LMOD1: variants seen among roughly 807,000 people sequenced by gnomAD.
The protein encoded by LMOD1 is leiomodin 1.
LMOD1 carries 8 observed loss-of-function variants against 36.5 expected under a neutral mutation model. That is an observed-to-expected ratio of 0.22 (90% CI 0.13 to 0.40). LMOD1 has a LOEUF of 0.40. Among genes scored for constraint, LMOD1 ranks in the 10% least tolerant of loss-of-function variants. The pLI is 1.00. For missense variants in LMOD1, 630 were observed against 751.1 expected, an observed-to-expected ratio of 0.84 and a Z score of 1.88; for synonymous variants, 284 against 288.7, an observed-to-expected ratio of 0.98 and a Z score of 0.17.
intron 1 of LMOD1, among the ~76,000 whole-genome samples, chr1:201,920,991 T>A (rs1681694815): frequency 6.6e-6 from 1 of 152,130 alleles, no homozygotes; most frequent in Admixed American, 6.6e-5. Flanking sequence ...TGGACATTTC[T>A]AGGGTACAGT....
chr1:201,940,513 G>A (rs1007857902), intron 1 of LMOD1, among the ~76,000 whole-genome samples: 3 of 151,666 alleles, frequency 2.0e-5, no homozygotes, highest in Non-Finnish European at 4.4e-5. Flanking sequence ...TACTGTCCCA[G>A]TAAGGAGAAG....
In LMOD1 at chr1:201,939,426, TG is replaced by T. The variant is rs537157302; in HGVS notation, c.261+6653del. Among the ~76,000 whole-genome samples, 6 of 152,278 alleles carry T rather than the reference TG, an allele frequency of 3.9e-5. No individual in the cohort carries two copies. The South Asian group carries it at 1.2e-3, about 32-fold the overall frequency. ...AATCAAGTTAATGTTCTTTCTTCCT[TG>T]GGTAACTTATTCCAAGTCACTGGAT... is the stretch of plus-strand genomic sequence containing the variant. On this transcript the variant is annotated intron_variant, in intron 1 of 2. Transcript: ENST00000367288.
In LMOD1 at chr1:201,901,564, G is replaced by GTA. The variant is rs1275880446; in HGVS notation, c.262-815_262-814dup. ...TATATATATATATACATATATATAT[G>GTA]TATATATATATATATATATACATAT... On this transcript the variant is annotated intron_variant, in intron 1 of 2. Coordinates refer to ENST00000367288, the MANE Select transcript of LMOD1 (RefSeq NM_012134.3). Among the ~76,000 whole-genome samples, 53 of 39,030 alleles carry GTA rather than the reference G, an allele frequency of 1.4e-3. 1 individual carries two copies. In the South Asian group the frequency reaches 0.014, roughly 10 times the overall value. The allele number at this position is 39,030 out of a possible 152,430, so 25.6% of individuals were successfully genotyped here.
chr1:201,922,235 C>G (rs558202261), intron 1 of LMOD1, among the ~76,000 whole-genome samples: 2 of 152,232 alleles, frequency 1.3e-5, no homozygotes, highest in African/African-American at 4.8e-5. Flanking sequence ...AATTGCATGC[C>G]TCAATACAGA....
rs71141426 is a variant in LMOD1 at position 201,933,595 on chromosome 1, T to TTATATATATATATATATA, written c.261+12467_261+12484dup. Among the ~76,000 whole-genome samples, 598 of 62,784 alleles carry TTATATATATATATATATA rather than the reference T, an allele frequency of 9.5e-3. 15 individuals are homozygous for TTATATATATATATATATA. Among genetic ancestry groups the TTATATATATATATATATA allele is most frequent in the South Asian group, 0.016 (32 of 2,022 alleles). The allele number at this position is 62,784 out of a possible 152,430, so 41.2% of individuals were successfully genotyped here. A position where few individuals can be genotyped will look rare whatever the true frequency, so the allele number is the denominator to read the frequency against. Reference sequence around the variant, plus strand: ...TTATATATGTACACATATACATACATTATATATATATATATATATATATAT... The same window carrying TTATATATATATATATATA: ...TTATATATGTACACATATACATACATTATATATATATATATATATATATATATATATATATATATATAT... On this transcript the variant is annotated intron_variant, in intron 1 of 2. Transcript: ENST00000367288.
At position 201,899,521 on chromosome 1, in the gene LMOD1, C is replaced by A. The variant is rs761546227; in HGVS notation, c.1492G>T (p.Val498Leu). Residue 498 changes from valine to leucine, a missense_variant, in exon 2 of 3, where the codon GTA (valine) becomes TTA (leucine). By Grantham distance (32) the Val-to-Leu change is conservative (BLOSUM62 1). Transcript: ENST00000367288. The surrounding 1 kb of genome is among the most constrained non-coding windows in gnomAD (Gnocchi z 6.3). ...AKGEKKDLLE[V>L]PKAGAVAKGS... Reference sequence around the variant, plus strand: ...TTAGCCACGGCCCCGGCCTTGGGTACCTCCAGCAGATCCTTCTTCTCTCCC... The same window carrying A: ...TTAGCCACGGCCCCGGCCTTGGGTAACTCCAGCAGATCCTTCTTCTCTCCC... The A allele has an allele frequency of 1.1e-5, 18 of 1,613,844 alleles. No homozygotes were observed. The highest frequency in any genetic ancestry group is 9.9e-5 in the South Asian group (9 of 91,066).
rs1418498186 is a variant in LMOD1, at chr1:201,941,785, C to T, written c.261+4295G>A. Reference sequence around the variant, plus strand: ...AGTAGGTTGCTTCGGGTTTGCTTCTCGAGTTTACCTCTAGGGAGAGCTTTC... The same window carrying T: ...AGTAGGTTGCTTCGGGTTTGCTTCTTGAGTTTACCTCTAGGGAGAGCTTTC... On this transcript the variant is annotated intron_variant, in intron 1 of 2. Transcript: ENST00000367288. 1.6e-4 allele frequency among the ~76,000 whole-genome samples: 24 copies of T among 152,304 alleles called. 1 individual carries two copies. Among genetic ancestry groups the T allele is most frequent in the Admixed American group, 1.4e-3 (21 of 15,292 alleles).
chr1:201,925,634 C>T (rs1273035088), intron 1 of LMOD1, among the ~76,000 whole-genome samples: 1 of 150,386 alleles, frequency 6.6e-6, no homozygotes, highest in East Asian at 1.9e-4. Flanking sequence ...TGACATCCAC[C>T]CAAGACCTGA....
intron 1 of LMOD1, among the ~76,000 whole-genome samples, chr1:201,921,839 A>G (rs1571584288): frequency 1.3e-5 from 2 of 152,020 alleles, no homozygotes; most frequent in African/African-American, 2.4e-5. Context: ...GGGCGCCTGT[A>G]GTCCCAGCTG....
At chr1:201,904,163 C>T (rs376564874) in intron 1 of LMOD1, among the ~76,000 whole-genome samples, 61 of 152,170 alleles carry the variant, frequency 4.0e-4, no homozygotes, top group African/African-American at 1.4e-3. Context: ...TTCCCTCTCA[C>T]CCCTAGCCAG....
At chr1:201,914,294 A>C (rs981647215) in intron 1 of LMOD1, among the ~76,000 whole-genome samples, 7 of 151,990 alleles carry the variant, frequency 4.6e-5, no homozygotes, top group Non-Finnish European at 1.0e-4. Flanking sequence ...GAACCCTAAC[A>C]CTCACAAGTG....
intron 1 of LMOD1, among the ~76,000 whole-genome samples, chr1:201,916,878 G>A (rs1031968338): frequency 1.3e-5 from 2 of 152,182 alleles, no homozygotes; most frequent in South Asian, 4.1e-4. Flanking sequence ...AAACAGAAAC[G>A]CCATGATTCA....
chr1:201,945,985 C>T, intron 1 of LMOD1, 95 bp downstream of exon 1: 4 of 1,265,276 alleles, frequency 3.2e-6, no homozygotes, highest in East Asian at 2.3e-5. Context: ...CCAACAAGAA[C>T]GTTTCTTCTA....
chr1:201,916,706 A>G (rs575017395), intron 1 of LMOD1, among the ~76,000 whole-genome samples: 1 of 152,150 alleles, frequency 6.6e-6, no homozygotes, highest in Admixed American at 6.5e-5. Flanking sequence ...ATTCCCCGTC[A>G]CTGTGCTCAG....
At position 201,899,204 on chromosome 1, in the gene LMOD1, C is replaced by T. The variant is rs1180525380; in HGVS notation, c.1776+33G>A. On this transcript the variant is annotated intron_variant, in intron 2 of 2. Coordinates refer to ENST00000367288, the MANE Select transcript of LMOD1 (RefSeq NM_012134.3). The surrounding 1 kb of genome is among the most constrained non-coding windows in gnomAD (Gnocchi z 6.3). ...CCTCTCCTCCAGGCCCTACCCAGCC[C>T]CGCCCTGTTGGCTCATGCCCACAAC... 1.3e-6 allele frequency: 2 copies of T among 1,546,560 alleles called. No individual in the cohort carries two copies. The highest frequency in any genetic ancestry group is 1.7e-6 in the Non-Finnish European group (2 of 1,143,202).
Position 201,946,143 on chromosome 1 carries a change from C to G in LMOD1, c.198G>C (p.Glu66Asp). 1 of 1,613,998 alleles carries G rather than the reference C, an allele frequency of 6.2e-7. No individual in the cohort carries two copies. The highest frequency in any genetic ancestry group is 8.5e-7 in the Non-Finnish European group (1 of 1,179,896). Residue 66 changes from glutamate to aspartate, a missense_variant, in exon 1 of 3, where the codon GAG (glutamate) becomes GAC (aspartate). By Grantham distance (45) the Glu-to-Asp change is conservative (BLOSUM62 2). Around this residue, in one of 3 missense-constraint regions of LMOD1, gnomAD observed 405 missense variants for 400.6 expected, o/e 1.01. Transcript: ENST00000367288. ...CCTTTTCACAGAAGTTGAGCATGGC[C>G]TCCCGGTTGTACACACCCGTGGACT... ...EKQSTGVYNR[E>D]AMLNFCEKET... is the part of the protein sequence containing the mutation.
Position 201,900,634 on chromosome 1 carries a change from T to C in LMOD1, c.379A>G (p.Arg127Gly). 1 of 1,613,854 alleles carries C rather than the reference T, an allele frequency of 6.2e-7. No homozygotes were observed. Among genetic ancestry groups the C allele is most frequent in the Non-Finnish European group, 8.5e-7 (1 of 1,179,876 alleles). ...RDSDLGKEPK[R>G]GGLKKSFSRD... ...GAGAAGCTTTTCTTTAAACCACCCC[T>C]CTTTGGCTCCTTCCCCAGATCTGAG... Residue 127 changes from arginine (R) to glycine (G), a missense_variant, in exon 2 of 3, where the codon AGG (arginine) becomes GGG (glycine). Physicochemically the swap from Arg to Gly is moderately radical, Grantham distance 125. Coordinates refer to ENST00000367288, the MANE Select transcript of LMOD1 (RefSeq NM_012134.3).
At chr1:201,898,863 G>A (rs1013028688) in intron 2 of LMOD1, among the ~76,000 whole-genome samples, 22 of 152,194 alleles carry the variant, frequency 1.4e-4, no homozygotes, top group South Asian at 4.1e-4. Context: ...TAAGTAAAAC[G>A]TGGATCATTT....
rs1245142202 is a variant in LMOD1 at position 201,896,883 on chromosome 1, G to A, written c.*1489C>T. The A allele has an allele frequency of 2.8e-6, 1 of 360,402 alleles. No homozygotes were observed. The highest frequency in any genetic ancestry group is 2.1e-5 in the African/African-American group (1 of 47,056). The allele number at this position is 360,402 out of a possible 1,614,324, so 22.3% of individuals were successfully genotyped here. ...CCTAGCACAGCGATCTTGCTTCCTA[G>A]CTGGGGCACCCCACCCTCACCTCAA... On this transcript the variant is annotated 3_prime_UTR_variant, in exon 3 of 3. Coordinates refer to ENST00000367288, the MANE Select transcript of LMOD1 (RefSeq NM_012134.3).
Sources: gnomAD v4.1 joint callset for allele counts (sites outside exome capture counted in the v4.1 genomes callset) on GRCh38, gnomAD v4.1.1 for gene constraint, gnomAD v4.1.1 regional missense constraint, Gnocchi (gnomAD v3.1) non-coding constraint, MANE v1.5 for transcripts, NCBI Gene and HGNC (gene_info 2026-07-23, HGNC 2026-07-21) for gene names.